EYA1: variants seen among roughly 807,000 people sequenced by gnomAD.
EYA1 encodes EYA transcriptional coactivator and phosphatase 1.
In EYA1, 16 loss-of-function variants were observed where a neutral mutation model predicts 82.0. That is an observed-to-expected ratio of 0.20 (90% CI 0.13 to 0.30). The LOEUF is 0.30. Among genes scored for constraint, EYA1 ranks in the 10% least tolerant of loss-of-function variants. EYA1 has a pLI of 1.00. For missense variants in EYA1, 633 were observed against 730.7 expected (o/e 0.87, Z 1.54); for synonymous variants, 261 against 264.4 (o/e 0.99, Z 0.12).
In EYA1 at chr8:71,211,170, G is replaced by C. The variant is rs1481254965; in HGVS notation, c.1684C>G (p.Gln562Glu). The change falls in exon 17 of 18, where the codon CAA becomes GAA. Residue 562 changes from glutamine (Q) to glutamate (E), a missense_variant. Transcript: ENST00000340726. ...VVIGDGVEEE[Q>E]GAKKHAMPFW... ...GGAATGCTCACCTTTTTTGCTCCTT[G>C]TTCTTCTTCTACACCATCTCCTATA... 11 of 1,610,922 alleles carry C rather than the reference G, an allele frequency of 6.8e-6. No individual in the cohort carries two copies. Among genetic ancestry groups the C allele is most frequent in the East Asian group, 2.2e-5 (1 of 44,836 alleles).
chr8:71,240,826 G>A lies in EYA1; in HGVS notation c.1140+3777C>T, dbSNP rs577492667. 9.2e-5 allele frequency among the ~76,000 whole-genome samples: 14 copies of A among 152,276 alleles called. No individual in the cohort carries two copies. The South Asian group carries it at 2.5e-3, about 27-fold the overall frequency. On this transcript the variant is annotated intron_variant, in intron 12 of 17. Transcript: ENST00000340726. ...CAGCAGGTTAAACTGAAATATTATC[G>A]TATGCTGAAGGCCTTTCCTCACTCC...
intron 9 of EYA1, among the ~76,000 whole-genome samples, chr8:71,289,105 G>T (rs1818726530): frequency 6.6e-6 from 1 of 152,150 alleles, no homozygotes; most frequent in South Asian, 2.1e-4. Context: ...AAGAAAAAAA[G>T]GAGGACAAGA....
chr8:71,420,820 A>T, intron 2 of EYA1, among the ~76,000 whole-genome samples: 1 of 152,202 alleles, frequency 6.6e-6, no homozygotes, highest in East Asian at 1.9e-4. Context: ...ACTCTTCTAT[A>T]TTATTTTTAA....
At chr8:71,226,457 T>G (rs1009630384) in intron 12 of EYA1, among the ~76,000 whole-genome samples, 2 of 151,838 alleles carry the variant, frequency 1.3e-5, no homozygotes, top group Non-Finnish European at 2.9e-5. Flanking sequence ...TTTGTCACCA[T>G]GAATGCCTTC....
intron 2 of EYA1, among the ~76,000 whole-genome samples, chr8:71,442,267 G>C (rs1486915001): frequency 6.6e-6 from 1 of 152,176 alleles, no homozygotes; most frequent in Non-Finnish European, 1.5e-5. Context: ...CTGAGGACTG[G>C]ACTGAACCAT....
At chr8:71,316,235 T>G (rs548435611) in intron 7 of EYA1, among the ~76,000 whole-genome samples, 1 of 152,268 alleles carries the variant, frequency 6.6e-6, no homozygotes, top group East Asian at 1.9e-4. Context: ...TAGGAAATCC[T>G]TAAAGGAGCA....
At chr8:71,318,003 T>C (rs767891591) in intron 6 of EYA1, among the ~76,000 whole-genome samples, 2 of 152,242 alleles carry the variant, frequency 1.3e-5, no homozygotes, top group African/African-American at 2.4e-5. Flanking sequence ...ATGTAAGAGT[T>C]GAAGATCATC....
intron 2 of EYA1, among the ~76,000 whole-genome samples, chr8:71,470,168 T>C (rs1438453667): frequency 6.6e-6 from 1 of 152,088 alleles, no homozygotes; most frequent in Admixed American, 6.6e-5. Flanking sequence ...CCAAAACCTA[T>C]GAGAGTCTTC....
intron 2 of EYA1, among the ~76,000 whole-genome samples, chr8:71,451,409 TAAAG>T (rs1807363263): frequency 6.6e-6 from 1 of 152,088 alleles, no homozygotes; most frequent in Admixed American, 6.5e-5. Context: ...ATACAGTAAA[TAAAG>T]AATAAGAGCA....
At chr8:71,248,995 T>C (rs970811763) in intron 11 of EYA1, among the ~76,000 whole-genome samples, 5 of 152,200 alleles carry the variant, frequency 3.3e-5, no homozygotes, top group Admixed American at 6.5e-5. Context: ...ATTCCAGAGC[T>C]GCAGTTATAA....
intron 17 of EYA1, 70 bp downstream of exon 17, chr8:71,211,086 G>A: frequency 1.1e-6 from 1 of 941,990 alleles, no homozygotes; most frequent in South Asian, 1.3e-5. Context: ...CTGTTTAAAT[G>A]ATCCAGTTAT....
intron 11 of EYA1, among the ~76,000 whole-genome samples, chr8:71,258,681 T>C (rs943569642): frequency 1.3e-5 from 2 of 152,236 alleles, no homozygotes; most frequent in African/African-American, 2.4e-5. Flanking sequence ...TTAAACTTTA[T>C]GCTGCTCATT....
chr8:71,463,449 T>C (rs1362719373), intron 2 of EYA1, among the ~76,000 whole-genome samples: 2 of 152,246 alleles, frequency 1.3e-5, no homozygotes, highest in East Asian at 3.8e-4. Context: ...GAAAGCTTCA[T>C]GTATCATGAC....
intron 7 of EYA1, among the ~76,000 whole-genome samples, chr8:71,303,128 T>C (rs965574673): frequency 7.0e-6 from 1 of 142,236 alleles, no homozygotes; most frequent in Non-Finnish European, 1.6e-5. Context: ...CCAGGTTAAC[T>C]TTGATTGCAC....
chr8:71,470,530 G>A lies in EYA1; in HGVS notation c.33+65214C>T, dbSNP rs12114372. ...GCCATTAAAAGTAATGGTAAAAACCGCAATTGCTTTTGCACCAACCTAATA... is the reference window on the plus strand; with the variant it reads ...GCCATTAAAAGTAATGGTAAAAACCACAATTGCTTTTGCACCAACCTAATA... On this transcript the variant is annotated intron_variant, in intron 2 of 18. Coordinates refer to the EYA1 transcript ENST00000643681. 4.8e-3 allele frequency among the ~76,000 whole-genome samples: 734 copies of A among 152,102 alleles called. 9 individuals carry two copies. The highest frequency in any genetic ancestry group is 0.017 in the African/African-American group (694 of 41,522).
At chr8:71,237,139 C>T (rs1054188519) in intron 12 of EYA1, among the ~76,000 whole-genome samples, 2 of 151,904 alleles carry the variant, frequency 1.3e-5, no homozygotes, top group South Asian at 4.2e-4. Context: ...GCAACCTCCG[C>T]CTCCCGGGTT....
intron 11 of EYA1, among the ~76,000 whole-genome samples, chr8:71,249,479 G>T (rs939825491): frequency 1.3e-5 from 2 of 152,000 alleles, no homozygotes; most frequent in African/African-American, 2.4e-5. Flanking sequence ...AACACCATCA[G>T]ATCTCATGAG....
At chr8:71,314,097 T>C (rs536816629) in intron 7 of EYA1, among the ~76,000 whole-genome samples, 1 of 152,324 alleles carries the variant, frequency 6.6e-6, no homozygotes, top group South Asian at 2.1e-4. Context: ...TACATTTTAA[T>C]AGCTATAAGA....
chr8:71,217,891 T>C (rs1350965423), intron 12 of EYA1, among the ~76,000 whole-genome samples: 1 of 152,228 alleles, frequency 6.6e-6, no homozygotes, highest in Non-Finnish European at 1.5e-5. Flanking sequence ...TTTGCAGATA[T>C]ATCGGAGCAC....
Sources: allele counts gnomAD v4.1 joint callset (sites outside exome capture counted in the v4.1 genomes callset), GRCh38; gene constraint gnomAD v4.1.1; transcripts MANE v1.5; gene names NCBI Gene and HGNC (gene_info 2026-07-23, HGNC 2026-07-21).